Variants in LTBP1 observed in about 807,000 individuals in gnomAD.
The protein encoded by LTBP1 is latent transforming growth factor beta binding protein 1.
In LTBP1, 129 loss-of-function variants were observed where a neutral mutation model predicts 207.6. The ratio of observed to expected loss-of-function variants is 0.62; its 90% confidence interval spans 0.54 to 0.72. The LOEUF is 0.72. Among genes scored for constraint, LTBP1 ranks in the 30% least tolerant of loss-of-function variants. The pLI, the probability that LTBP1 is intolerant of heterozygous loss-of-function variation, is 0.00. For synonymous variants in LTBP1, 963 were observed against 833.7 expected, an observed-to-expected ratio of 1.16 and a Z score of -2.67; for missense variants, 2,281 against 2,217.2, an observed-to-expected ratio of 1.03 and a Z score of -0.58.
intron 31 of LTBP1, among the ~76,000 whole-genome samples, chr2:33,378,108 C>T (rs971158877): frequency 1.3e-5 from 2 of 151,588 alleles, no homozygotes; most frequent in Admixed American, 6.6e-5. Context: ...ATAGGCATTC[C>T]GTTTTCTAGA....
At chr2:33,201,237 A>T (rs1348220792) in intron 7 of LTBP1, among the ~76,000 whole-genome samples, 1 of 152,204 alleles carries the variant, frequency 6.6e-6, no homozygotes, top group African/African-American at 2.4e-5. Flanking sequence ...CAAATGGCCA[A>T]CAATGATAGA....
At chr2:33,291,710 G>A (rs750104008) in intron 19 of LTBP1, 2 of 152,342 alleles carry the variant, frequency 1.3e-5, no homozygotes, top group South Asian at 4.1e-4. Flanking sequence ...CTCAGTATGT[G>A]CAGGGAACAC....
chr2:33,110,209 G>C (rs1424674537), intron 3 of LTBP1, among the ~76,000 whole-genome samples: 1 of 152,202 alleles, frequency 6.6e-6, no homozygotes, highest in Non-Finnish European at 1.5e-5. Context: ...TCCCATCTCA[G>C]CCTCCTGAGT....
chr2:32,985,027 A>G (rs1683330853), intron 2 of LTBP1, among the ~76,000 whole-genome samples: 1 of 152,230 alleles, frequency 6.6e-6, no homozygotes, highest in Non-Finnish European at 1.5e-5. Flanking sequence ...AATTTACTTG[A>G]AAGAAAGTGC....
At chr2:33,355,580 A>G (rs891781906) in intron 26 of LTBP1, among the ~76,000 whole-genome samples, 1 of 152,152 alleles carries the variant, frequency 6.6e-6, no homozygotes, top group Non-Finnish European at 1.5e-5. Flanking sequence ...TCCCATGGAT[A>G]CAGAGGGCTG....
intron 2 of LTBP1, among the ~76,000 whole-genome samples, chr2:32,979,780 T>A (rs887445891): frequency 3.3e-5 from 5 of 152,186 alleles, no homozygotes; most frequent in Admixed American, 2.6e-4. Flanking sequence ...GTGTGCAGTG[T>A]TAAAGTTTTC....
intron 19 of LTBP1, among the ~76,000 whole-genome samples, chr2:33,290,971 T>C (rs1243068070): frequency 6.6e-6 from 1 of 152,246 alleles, no homozygotes; most frequent in Non-Finnish European, 1.5e-5. Flanking sequence ...GGTTCCTCTC[T>C]GGAGACCTTC....
chr2:33,103,194 CTG>C (rs1203877009), intron 3 of LTBP1, among the ~76,000 whole-genome samples: 5 of 151,874 alleles, frequency 3.3e-5, no homozygotes, highest in Non-Finnish European at 7.4e-5. Context: ...TATGCACTGT[CTG>C]TATGCAGTCT....
intron 15 of LTBP1, among the ~76,000 whole-genome samples, chr2:33,272,515 A>C (rs1356458927): frequency 6.6e-6 from 1 of 152,258 alleles, no homozygotes; most frequent in Non-Finnish European, 1.5e-5. Flanking sequence ...AAATGACTTC[A>C]ATATGAACAA....
At chr2:32,998,232 T>A (rs964174582) in intron 2 of LTBP1, among the ~76,000 whole-genome samples, 1 of 152,050 alleles carries the variant, frequency 6.6e-6, no homozygotes, top group African/African-American at 2.4e-5. Context: ...AAACCATGGT[T>A]GTTGGCTGAG....
chr2:33,292,276 T>C (rs1272633759), intron 19 of LTBP1, among the ~76,000 whole-genome samples: 1 of 152,228 alleles, frequency 6.6e-6, no homozygotes, highest in African/African-American at 2.4e-5. Flanking sequence ...TAGCAAATAA[T>C]AAAAACAAAC....
At chr2:33,188,478 A>C in intron 6 of LTBP1, 99 bp from the exon 7 acceptor site, 2 of 865,774 alleles carry the variant, frequency 2.3e-6, no homozygotes, top group East Asian at 2.5e-5. Context: ...AATGCTACAC[A>C]TGCATGCATG....
chr2:32,947,586 A>T lies in LTBP1; in HGVS notation c.262A>T (p.Ser88Cys). 1 of 1,316,120 alleles carries T rather than the reference A, an allele frequency of 7.6e-7. No individual in the cohort carries two copies. Among genetic ancestry groups the T allele is most frequent in the Non-Finnish European group, 9.6e-7 (1 of 1,037,266 alleles). 81.5% of individuals were successfully genotyped at this position (1,316,120 alleles called of 1,614,324 possible). ...CCCCTCGGAGAGGACCCGGCGCACGAGCAAGCCGGGCGGCGCGGCCCTGCA... is the reference window on the plus strand; with the variant it reads ...CCCCTCGGAGAGGACCCGGCGCACGTGCAAGCCGGGCGGCGCGGCCCTGCA... ...GVPSERTRRTSKPGGAALQGL... is the reference protein window; with the variant it reads ...GVPSERTRRTCKPGGAALQGL... Residue 88 changes from serine to cysteine, a missense_variant, in exon 1 of 34, where the codon AGC becomes TGC. Around this residue, in one of 3 missense-constraint regions of LTBP1, gnomAD observed 555 missense variants for 491.0 expected, o/e 1.13. Coordinates refer to ENST00000404816, the MANE Select transcript of LTBP1 (RefSeq NM_206943.4).
chr2:33,233,014 T>A (rs1385034469), intron 9 of LTBP1, among the ~76,000 whole-genome samples: 1 of 152,156 alleles, frequency 6.6e-6, no homozygotes, highest in Non-Finnish European at 1.5e-5. Flanking sequence ...GTTCTGTAGT[T>A]TTATCATTAT....
rs1451254042 is a variant in LTBP1, at chr2:33,360,870, A to G, written c.4183+91A>G. 9 of 1,094,820 alleles carry G rather than the reference A, an allele frequency of 8.2e-6. No individual in the cohort carries two copies. In the East Asian group the frequency reaches 1.4e-4, roughly 17 times the overall value. 67.8% of individuals were successfully genotyped at this position (1,094,820 alleles called of 1,614,324 possible). On this transcript the variant is annotated intron_variant, in intron 27 of 33. Transcript: ENST00000404816. ...ATGATAACACTCATTCCCACAGCCA[A>G]CTCAAGGCGACTTACCTTATAGTGA...
intron 7 of LTBP1, among the ~76,000 whole-genome samples, chr2:33,215,650 C>A (rs1420950813): frequency 6.6e-6 from 1 of 151,862 alleles, no homozygotes; most frequent in East Asian, 1.9e-4. Flanking sequence ...CTGCCTGGAC[C>A]TTCTGTCACC....
Position 33,130,895 on chromosome 2 carries a change from A to AT in LTBP1, c.1034-3890dup, listed in dbSNP as rs200740283. 9.3e-3 allele frequency among the ~76,000 whole-genome samples: 1,417 copies of AT among 152,040 alleles called. 22 individuals carry two copies. Among genetic ancestry groups the AT allele is most frequent in the African/African-American group, 0.03 (1,227 of 41,474 alleles). ...TCACCTAAAGGGATCTAAAAATTGC[A>AT]TTTTTTTTCCTCCAAAGGACCAAGC... On this transcript the variant is annotated intron_variant, in intron 4 of 33. Transcript: ENST00000404816.
chr2:33,332,089 G>T (rs1443939480), intron 24 of LTBP1, among the ~76,000 whole-genome samples: 1 of 151,726 alleles, frequency 6.6e-6, no homozygotes, highest in Non-Finnish European at 1.5e-5. Flanking sequence ...TTATGAATAG[G>T]TATTTTATTT....
At chr2:33,240,744 A>G (rs996263592) in intron 9 of LTBP1, among the ~76,000 whole-genome samples, 1 of 142,164 alleles carries the variant, frequency 7.0e-6, no homozygotes, top group Non-Finnish European at 1.5e-5. Flanking sequence ...TCCACCTCTC[A>G]GGTTCACGCC....
Sources: allele counts gnomAD v4.1 joint callset (sites outside exome capture counted in the v4.1 genomes callset), GRCh38; gene constraint gnomAD v4.1.1; regional missense constraint gnomAD v4.1.1; transcripts MANE v1.5; gene names NCBI Gene and HGNC (gene_info 2026-07-23, HGNC 2026-07-21).